The following PPARGC1A variants were observed in gnomAD, a reference collection of about 807,000 sequenced individuals.
PPARGC1A encodes peroxisome proliferator-activated receptor gamma coactivator 1-alpha.
PPARGC1A carries 25 observed loss-of-function variants against 88.7 expected under a neutral mutation model. That is an observed-to-expected ratio of 0.28 (90% confidence interval 0.21 to 0.39). The LOEUF (loss-of-function observed/expected upper bound fraction) is 0.39. Ranked by LOEUF, PPARGC1A falls within the 10% of genes least tolerant of loss-of-function variation. PPARGC1A has a pLI of 1.00. For missense variants in PPARGC1A, 880 were observed against 968.7 expected (o/e 0.91, Z 1.22); for synonymous variants, 363 against 355.6 (o/e 1.02, Z -0.24).
At chr4:24,294,439 G>A in the PPARGC1A span, among the ~76,000 whole-genome samples, 5 of 152,048 alleles carry the variant, frequency 3.3e-5, no homozygotes, top group Non-Finnish European at 5.9e-5. Context: ...TTCACTCTGG[G>A]GTTAAATCTT....
the PPARGC1A span, among the ~76,000 whole-genome samples, chr4:24,471,059 C>G: frequency 4.0e-5 from 6 of 151,486 alleles, no homozygotes; most frequent in African/African-American, 1.5e-4. The surrounding 1 kb of genome is among the most constrained non-coding windows in gnomAD (Gnocchi z 5.4). Flanking sequence ...GCGGGCAGCC[C>G]CGCAAGCGGC....
At chr4:23,893,384 T>C (rs2970867), upstream of PPARGC1A, among the ~76,000 whole-genome samples, 7,891 of 152,104 alleles carry the variant, frequency 0.052, 658 homozygotes, top group African/African-American at 0.18. Context: ...GCAAAAACAA[T>C]TGGTTTTGTT....
chr4:24,133,713 T>C, the PPARGC1A span, among the ~76,000 whole-genome samples: 1 of 152,178 alleles, frequency 6.6e-6, no homozygotes, highest in East Asian at 1.9e-4. Context: ...ACCGCTTTTC[T>C]AGAAGGTAGA....
At chr4:24,422,933 A>C in the PPARGC1A span, among the ~76,000 whole-genome samples, 463 of 152,348 alleles carry the variant, frequency 3.0e-3, 1 homozygote, top group Middle Eastern at 0.031. Context: ...TCCCATGCCG[A>C]TTCACTAAGG....
At chr4:24,320,889 G>T in the PPARGC1A span, among the ~76,000 whole-genome samples, 14 of 152,206 alleles carry the variant, frequency 9.2e-5, no homozygotes, top group South Asian at 2.3e-3. Flanking sequence ...CTGGAAAATG[G>T]CTCCCAGAAA....
chr4:23,814,622 A>G lies in PPARGC1A; in HGVS notation c.878-17T>C. On this transcript the variant is annotated splice_polypyrimidine_tract_variant and intron_variant, in intron 7 of 12. Transcript: ENST00000264867. ...GAGTTAGGCCTAAGGCAAAAATTAA[A>G]AAAAAAAAAAAAAAGAGAGAGAAAG... The G allele has an allele frequency of 5.6e-6, 6 of 1,080,296 alleles. No individual in the cohort carries two copies. Among genetic ancestry groups the G allele is most frequent in the Non-Finnish European group, 7.4e-6 (6 of 812,260 alleles). The allele number at this position is 1,080,296 out of a possible 1,614,324, so 66.9% of individuals were successfully genotyped here. A position where few individuals can be genotyped will look rare whatever the true frequency, so the allele number is the denominator to read the frequency against.
At chr4:24,467,028 AAGAGAAAGAGAGAGAG>A in the PPARGC1A span, among the ~76,000 whole-genome samples, 2 of 101,192 alleles carry the variant, frequency 2.0e-5, no homozygotes, top group African/African-American at 6.7e-5. Flanking sequence ...GAAAGAAAGA[AAGAGAAAGAGAGAGAG>A]AGAGAAAAAG....
the PPARGC1A span, among the ~76,000 whole-genome samples, chr4:24,242,164 C>A: frequency 1.3e-5 from 2 of 152,180 alleles, no homozygotes; most frequent in African/African-American, 4.8e-5. Flanking sequence ...CAGTTTCCAC[C>A]TCCACACCAC....
chr4:23,801,271 A>G (rs1333303165), intron 12 of PPARGC1A, among the ~76,000 whole-genome samples: 1 of 152,034 alleles, frequency 6.6e-6, no homozygotes, highest in Non-Finnish European at 1.5e-5. Context: ...ACACAAAGAC[A>G]CATGATAGCC....
chr4:24,348,690 A>G, the PPARGC1A span, among the ~76,000 whole-genome samples: 1 of 152,080 alleles, frequency 6.6e-6, no homozygotes, highest in South Asian at 2.1e-4. Context: ...GTCTATTTCC[A>G]TGAATATTTC....
the PPARGC1A span, among the ~76,000 whole-genome samples, chr4:23,913,263 T>TAGAGAGAGAG: frequency 1.8e-5 from 1 of 56,076 alleles, no homozygotes; most frequent in Non-Finnish European, 3.2e-5. Context: ...TATATATATA[T>TAGAGAGAGAG]ATATAGAGAG....
the PPARGC1A span, among the ~76,000 whole-genome samples, chr4:24,101,194 T>C: frequency 1.3e-5 from 2 of 152,168 alleles, no homozygotes; most frequent in Admixed American, 6.5e-5. Context: ...TGTCTTGTAA[T>C]AGAGTTCTCA....
chr4:24,186,822 GA>G, the PPARGC1A span, among the ~76,000 whole-genome samples: 1 of 151,442 alleles, frequency 6.6e-6, no homozygotes, highest in Non-Finnish European at 1.5e-5. Context: ...AAAAAAAAAT[GA>G]AAATAAAAAA....
chr4:24,445,769 TAA>T, the PPARGC1A span, among the ~76,000 whole-genome samples: 56 of 152,274 alleles, frequency 3.7e-4, 1 homozygote, highest in Admixed American at 9.8e-4. Context: ...CATTGCTGGT[TAA>T]AAGATACTTA....
the PPARGC1A span, among the ~76,000 whole-genome samples, chr4:24,099,287 CAAAAAAAAAAAA>C: frequency 4.5e-5 from 3 of 66,986 alleles, no homozygotes; most frequent in Non-Finnish European, 9.9e-5. Context: ...CTCCCTCCTG[CAAAAAAAAAAAA>C]AAAAAAAAAA....
chr4:23,924,164 G>A, the PPARGC1A span, among the ~76,000 whole-genome samples: 1 of 152,178 alleles, frequency 6.6e-6, no homozygotes, highest in Non-Finnish European at 1.5e-5. Context: ...ATTGCATGTT[G>A]CTGAAAATCA....
the PPARGC1A span, among the ~76,000 whole-genome samples, chr4:24,221,094 A>T: frequency 2.6e-3 from 397 of 152,324 alleles, 3 homozygotes; most frequent in South Asian, 8.3e-3. Context: ...TTTTAGAGGA[A>T]ACTTTTAGAA....
chr4:23,899,404 G>A (rs536288846), upstream of PPARGC1A: 14 of 152,242 alleles, frequency 9.2e-5, no homozygotes, highest in African/African-American at 1.7e-4. Context: ...AACTGCTGAC[G>A]CACCATATTT....
At chr4:24,164,875 G>C in the PPARGC1A span, among the ~76,000 whole-genome samples, 2 of 152,044 alleles carry the variant, frequency 1.3e-5, no homozygotes, top group African/African-American at 4.8e-5. Context: ...GATTGAGATG[G>C]GGGTAAGGAG....
Sources: gnomAD v4.1 joint callset for allele counts (sites outside exome capture counted in the v4.1 genomes callset) on GRCh38, gnomAD v4.1.1 for gene constraint, Gnocchi (gnomAD v3.1) non-coding constraint, MANE v1.5 for transcripts, NCBI Gene and HGNC (gene_info 2026-07-23, HGNC 2026-07-21) for gene names.